CWC27: variants seen among roughly 807,000 people sequenced by gnomAD.
CWC27 encodes spliceosome-associated protein CWC27 homolog.
Under a neutral mutation model 63.6 loss-of-function variants are expected in CWC27, and 47 were observed. The ratio of observed to expected loss-of-function variants is 0.74; its 90% CI spans 0.58 to 0.94. The LOEUF is 0.94. Ranked by LOEUF, CWC27 falls within the 40% of genes least tolerant of loss-of-function variation. The pLI is 0.00. For synonymous variants in CWC27, 175 were observed against 179.8 expected (o/e 0.97, Z 0.22); for missense variants, 495 against 554.3 (o/e 0.89, Z 1.07).
intron 7 of CWC27, among the ~76,000 whole-genome samples, chr5:64,793,128 T>C (rs1052355361): frequency 6.6e-6 from 1 of 152,118 alleles, no homozygotes; most frequent in Non-Finnish European, 1.5e-5. Flanking sequence ...CATTATCAGC[T>C]CAGCCTTTTT....
In CWC27 at chr5:64,925,390, T is replaced by C. The variant is rs116116671; in HGVS notation, c.1042+39844T>C. Among the ~76,000 whole-genome samples the C allele has an allele frequency of 6.2e-4, 95 of 152,358 alleles. 1 individual carries two copies. The highest frequency in any genetic ancestry group is 2.2e-3 in the African/African-American group (91 of 41,586). On this transcript the variant is annotated intron_variant, in intron 11 of 13. Transcript: ENST00000381070. ...ATTCTGAGTCATGCTTTCCCTTTCATGGGTTTGAATAGTCAAAGCAACTCC... is the reference window on the plus strand; with the variant it reads ...ATTCTGAGTCATGCTTTCCCTTTCACGGGTTTGAATAGTCAAAGCAACTCC...
chr5:64,930,560 AAG>A (rs1027151535), intron 11 of CWC27, among the ~76,000 whole-genome samples: 2 of 152,164 alleles, frequency 1.3e-5, no homozygotes, highest in African/African-American at 4.8e-5. Context: ...AATAAATGTG[AAG>A]AGAGTGGTGG....
chr5:64,808,257 TTTATCCC>T, intron 10 of CWC27: 1 of 995,694 alleles, frequency 1.0e-6, no homozygotes, highest in East Asian at 1.1e-4. Flanking sequence ...AATATTAATT[TTTATCCC>T]TACTGCTCCT....
chr5:64,992,658 C>T (rs141131302), intron 13 of CWC27, among the ~76,000 whole-genome samples: 1 of 151,308 alleles, frequency 6.6e-6, no homozygotes, highest in South Asian at 2.1e-4. Context: ...CAGCCTCCCA[C>T]GTAGCTGGGA....
intron 1 of CWC27, among the ~76,000 whole-genome samples, chr5:64,772,615 A>T (rs1743301456): frequency 1.0e-5 from 1 of 95,878 alleles, no homozygotes; most frequent in African/African-American, 4.2e-5. Flanking sequence ...AGACAGTGAG[A>T]CTCTGTCTCA....
chr5:64,875,391 G>A (rs1746772094), intron 10 of CWC27, among the ~76,000 whole-genome samples: 1 of 151,516 alleles, frequency 6.6e-6, no homozygotes, highest in Non-Finnish European at 1.5e-5. Context: ...GATTATAAAG[G>A]GCACATAGAA....
intron 11 of CWC27, among the ~76,000 whole-genome samples, chr5:64,954,910 A>C (rs935692519): frequency 2.6e-5 from 4 of 152,056 alleles, no homozygotes; most frequent in African/African-American, 9.7e-5. Context: ...CCCCATGATA[A>C]GCAGTGCTAC....
At chr5:64,797,516 A>T (rs1223068894) in intron 7 of CWC27, among the ~76,000 whole-genome samples, 2 of 152,288 alleles carry the variant, frequency 1.3e-5, no homozygotes, top group East Asian at 3.9e-4. Context: ...AATGGTAATG[A>T]TTATTAAAAT....
chr5:64,896,746 T>A (rs890233050), intron 11 of CWC27, among the ~76,000 whole-genome samples: 1 of 150,920 alleles, frequency 6.6e-6, no homozygotes, highest in South Asian at 2.1e-4. Context: ...AGGATATTTT[T>A]TAAAAAAAAG....
At chr5:64,788,022 T>A (rs1189786433) in intron 6 of CWC27, among the ~76,000 whole-genome samples, 1 of 152,158 alleles carries the variant, frequency 6.6e-6, no homozygotes, top group Non-Finnish European at 1.5e-5. Context: ...TTAAATTGTT[T>A]TATAAAGTGT....
intron 11 of CWC27, among the ~76,000 whole-genome samples, chr5:64,969,226 C>A (rs1490526102): frequency 1.3e-5 from 2 of 152,182 alleles, no homozygotes; most frequent in Non-Finnish European, 2.9e-5. Context: ...TCATCTATAT[C>A]TTTTCCATTT....
At chr5:64,819,846 A>T (rs916487493) in intron 10 of CWC27, among the ~76,000 whole-genome samples, 3 of 152,212 alleles carry the variant, frequency 2.0e-5, no homozygotes, top group African/African-American at 7.2e-5. Flanking sequence ...CAACCTAAGG[A>T]TGGTTAAATT....
At chr5:65,001,582 A>G (rs1749733237) in intron 13 of CWC27, among the ~76,000 whole-genome samples, 1 of 151,766 alleles carries the variant, frequency 6.6e-6, no homozygotes, top group Admixed American at 6.6e-5. Flanking sequence ...CAATCATACA[A>G]TTTTGGTTCT....
At chr5:64,808,241 C>T in intron 10 of CWC27, 1 of 999,474 alleles carries the variant, frequency 1.0e-6, no homozygotes, top group Non-Finnish European at 1.2e-6. Context: ...AGAAGCAGTC[C>T]TGTAGAATAT....
intron 13 of CWC27, among the ~76,000 whole-genome samples, chr5:64,982,015 T>C (rs1381577281): frequency 6.6e-6 from 1 of 152,230 alleles, no homozygotes; most frequent in Non-Finnish European, 1.5e-5. Flanking sequence ...CTGCTAGAGA[T>C]TGAAGTTCTG....
At chr5:64,983,434 C>T (rs886388270) in intron 13 of CWC27, among the ~76,000 whole-genome samples, 4 of 152,136 alleles carry the variant, frequency 2.6e-5, no homozygotes, top group Non-Finnish European at 4.4e-5. Flanking sequence ...AGTATTCATA[C>T]AAAAAGAAAT....
At chr5:64,972,637 TA>T in intron 12 of CWC27, 1 of 448,056 alleles carries the variant, frequency 2.2e-6, no homozygotes, top group South Asian at 1.6e-5. Flanking sequence ...GATAATTTCT[TA>T]ATTTCATTAA....
chr5:64,861,977 G>A (rs748299225), intron 10 of CWC27, among the ~76,000 whole-genome samples: 1 of 152,170 alleles, frequency 6.6e-6, no homozygotes, highest in Non-Finnish European at 1.5e-5. Flanking sequence ...ATCTTGGTAT[G>A]AGGATTTAAA....
At chr5:64,778,208 A>G (rs1221124642) in intron 2 of CWC27, among the ~76,000 whole-genome samples, 1 of 123,450 alleles carries the variant, frequency 8.1e-6, no homozygotes, top group African/African-American at 3.1e-5. Flanking sequence ...GTGTATCTCA[A>G]GATAAGCCAT....
Sources: allele counts gnomAD v4.1 joint callset (sites outside exome capture counted in the v4.1 genomes callset), GRCh38; gene constraint gnomAD v4.1.1; transcripts MANE v1.5; gene names NCBI Gene and HGNC (gene_info 2026-07-23, HGNC 2026-07-21).